LRRTM4: variants seen among roughly 807,000 people sequenced by gnomAD.
The protein encoded by LRRTM4 is leucine-rich repeat transmembrane neuronal protein 4.
In LRRTM4, 25 loss-of-function variants were observed where a neutral mutation model predicts 47.6. The observed-to-expected ratio is 0.53, with a 90% CI of 0.38 to 0.73. LRRTM4 has a LOEUF of 0.73. LRRTM4 is among the 30% of genes least tolerant of loss of function. The pLI, the probability that LRRTM4 is intolerant of heterozygous loss-of-function variation, is 0.00. For synonymous variants in LRRTM4, 311 were observed against 269.5 expected (o/e 1.15, Z -1.51); for missense variants, 638 against 713.4 (o/e 0.89, Z 1.20).
chr2:77,226,926 C>T (rs531881855), intron 3 of LRRTM4, among the ~76,000 whole-genome samples: 134 of 152,144 alleles, frequency 8.8e-4, no homozygotes, highest in African/African-American at 3.1e-3. Context: ...CCCAATTCAA[C>T]ATCCAATACC....
chr2:76,910,709 G>T (rs1308992512), intron 3 of LRRTM4, among the ~76,000 whole-genome samples: 1 of 152,066 alleles, frequency 6.6e-6, no homozygotes, highest in African/African-American at 2.4e-5. Flanking sequence ...GATGCTAGAT[G>T]GTCACTCATT....
intron 3 of LRRTM4, among the ~76,000 whole-genome samples, chr2:76,838,486 T>G (rs1331917201): frequency 6.6e-6 from 1 of 152,120 alleles, no homozygotes; most frequent in Non-Finnish European, 1.5e-5. Flanking sequence ...TAAAAGAATT[T>G]CAACTTGCAG....
At chr2:77,013,779 T>G in intron 3 of LRRTM4, among the ~76,000 whole-genome samples, 1 of 152,082 alleles carries the variant, frequency 6.6e-6, no homozygotes, top group East Asian at 1.9e-4. Flanking sequence ...TCAGATAAAA[T>G]ATTGAAATTT....
intron 3 of LRRTM4, among the ~76,000 whole-genome samples, chr2:77,355,078 G>T (rs1322987327): frequency 1.3e-5 from 2 of 152,098 alleles, no homozygotes; most frequent in Non-Finnish European, 2.9e-5. Flanking sequence ...TCTCATGCAT[G>T]GATTCCATAT....
At chr2:77,281,485 A>G (rs542120038) in intron 3 of LRRTM4, among the ~76,000 whole-genome samples, 27 of 152,078 alleles carry the variant, frequency 1.8e-4, no homozygotes, top group African/African-American at 5.8e-4. Context: ...CTTAAATAGT[A>G]ATTTATTTTT....
chr2:76,791,907 G>T (rs1674995642), intron 3 of LRRTM4, among the ~76,000 whole-genome samples: 1 of 152,108 alleles, frequency 6.6e-6, no homozygotes, highest in South Asian at 2.1e-4. Context: ...AAAGCAAAAT[G>T]AAAAACCAGA....
At chr2:77,517,144 C>T (rs1679241291) in intron 3 of LRRTM4, 4 of 985,016 alleles carry the variant, frequency 4.1e-6, no homozygotes, top group African/African-American at 3.5e-5. Flanking sequence ...GAACAATTTA[C>T]ATCCAGCATT....
chr2:77,087,999 G>C (rs1680781770), intron 3 of LRRTM4, among the ~76,000 whole-genome samples: 1 of 152,140 alleles, frequency 6.6e-6, no homozygotes, highest in Non-Finnish European at 1.5e-5. Context: ...ACAGGTGAAT[G>C]AAAAGGGAAA....
intron 2 of LRRTM4, among the ~76,000 whole-genome samples, chr2:77,520,076 G>GT (rs1325151529): frequency 6.6e-6 from 1 of 151,978 alleles, no homozygotes; most frequent in Non-Finnish European, 1.5e-5. Flanking sequence ...AATCACCACA[G>GT]TCCCATAGAA....
At chr2:77,436,902 T>A (rs1482694693) in intron 3 of LRRTM4, among the ~76,000 whole-genome samples, 6 of 151,934 alleles carry the variant, frequency 3.9e-5, no homozygotes, top group Admixed American at 3.9e-4. Flanking sequence ...CAGTCCATTC[T>A]GAGTACATCT....
chr2:76,992,455 TA>T (rs946815800), intron 3 of LRRTM4, among the ~76,000 whole-genome samples: 4 of 151,586 alleles, frequency 2.6e-5, no homozygotes, highest in Non-Finnish European at 5.9e-5. Context: ...AAAATTAATG[TA>T]AAAAATCAGT....
intron 3 of LRRTM4, among the ~76,000 whole-genome samples, chr2:77,090,651 A>G (rs539623105): frequency 1.3e-5 from 2 of 152,236 alleles, no homozygotes; most frequent in African/African-American, 4.8e-5. Context: ...GGAGCTTGCT[A>G]CAAGTGCCAG....
intron 3 of LRRTM4, among the ~76,000 whole-genome samples, chr2:77,269,585 T>C (rs1441047): frequency 0.4 from 60,540 of 152,066 alleles, 15,630 homozygotes; most frequent in African/African-American, 0.73. Flanking sequence ...AAATTAAATT[T>C]AAATACACCA....
intron 3 of LRRTM4, among the ~76,000 whole-genome samples, chr2:76,880,647 CA>C (rs1229367033): frequency 7.9e-5 from 12 of 152,026 alleles, no homozygotes; most frequent in Non-Finnish European, 1.5e-4. Flanking sequence ...AACCAAAACA[CA>C]AAAAACCTCT....
intron 3 of LRRTM4, among the ~76,000 whole-genome samples, chr2:76,898,823 A>C (rs568319144): frequency 6.0e-5 from 9 of 151,208 alleles, no homozygotes; most frequent in African/African-American, 1.9e-4. Context: ...TTTTATATAT[A>C]CTGACTGTAT....
chr2:76,753,914 C>T (rs1322957277), intron 3 of LRRTM4, among the ~76,000 whole-genome samples: 2 of 152,060 alleles, frequency 1.3e-5, no homozygotes, highest in African/African-American at 2.4e-5. Context: ...AGTTGTAAGT[C>T]GCTTAAGAGT....
chr2:77,354,906 G>A (rs1228165043), intron 3 of LRRTM4, among the ~76,000 whole-genome samples: 2 of 151,974 alleles, frequency 1.3e-5, no homozygotes, highest in African/African-American at 4.8e-5. Context: ...TCCCTCATTG[G>A]TTAAGGGCCC....
intron 3 of LRRTM4, among the ~76,000 whole-genome samples, chr2:77,200,669 A>G (rs1673948860): frequency 6.6e-6 from 1 of 152,104 alleles, no homozygotes; most frequent in African/African-American, 2.4e-5. Context: ...TTTTTTCACA[A>G]GCTACAGCTC....
chr2:76,796,597 G>T (rs1222955377), intron 3 of LRRTM4, among the ~76,000 whole-genome samples: 2 of 112,486 alleles, frequency 1.8e-5, no homozygotes, highest in Non-Finnish European at 3.4e-5. Flanking sequence ...GCAGCTGAGG[G>T]TCCTCTCTGT....
Sources: allele counts gnomAD v4.1 joint callset (sites outside exome capture counted in the v4.1 genomes callset), GRCh38; gene constraint gnomAD v4.1.1; transcripts MANE v1.5; gene names NCBI Gene and HGNC (gene_info 2026-07-23, HGNC 2026-07-21).